Variants in DCC observed in about 807,000 individuals in gnomAD.
DCC encodes netrin receptor DCC.
A neutral mutation model predicts 172.5 loss-of-function variants in DCC; 58 were observed. That is an observed-to-expected ratio of 0.34 (90% CI 0.27 to 0.42). The LOEUF is 0.42. Among genes scored for constraint, DCC ranks in the 10% least tolerant of loss-of-function variants. The pLI, the probability that DCC is intolerant of heterozygous loss-of-function variation, is 1.00. For missense variants in DCC, 1,740 were observed against 1,791.0 expected (o/e 0.97, Z 0.51); for synonymous variants, 709 against 644.5 (o/e 1.10, Z -1.52).
At chr18:53,472,214 G>T (rs1471584662) in intron 25 of DCC, among the ~76,000 whole-genome samples, 1 of 152,060 alleles carries the variant, frequency 6.6e-6, no homozygotes, top group African/African-American at 2.4e-5. Context: ...TCATTGTTAG[G>T]TTCTCTCATT....
rs760584751 is a variant in DCC, at chr18:53,535,782, A to T, written c.*5129A>T. 1 of 152,162 alleles carries T rather than the reference A, an allele frequency of 6.6e-6. No homozygotes were observed. Among genetic ancestry groups the T allele is most frequent in the Non-Finnish European group, 1.5e-5 (1 of 68,022 alleles). 9.4% of individuals were successfully genotyped at this position (152,162 alleles called of 1,614,324 possible). On this transcript the variant is annotated 3_prime_UTR_variant, in exon 29 of 29. Coordinates refer to ENST00000442544, the MANE Select transcript of DCC (RefSeq NM_005215.4). Reference sequence around the variant, plus strand: ...GTTTCTACACATGATCTTGTATACTACTACACAAGGAAAAGGGGGTTTTGT... The same window carrying T: ...GTTTCTACACATGATCTTGTATACTTCTACACAAGGAAAAGGGGGTTTTGT...
chr18:53,426,319 A>G (rs1252517837), intron 21 of DCC, among the ~76,000 whole-genome samples: 1 of 144,014 alleles, frequency 6.9e-6, no homozygotes, highest in Non-Finnish European at 1.5e-5. Context: ...TATATTATAT[A>G]TTTATAAATT....
intron 5 of DCC, among the ~76,000 whole-genome samples, chr18:52,955,934 A>G (rs996643409): frequency 2.0e-5 from 3 of 151,718 alleles, no homozygotes; most frequent in Admixed American, 2.0e-4. Context: ...TGAGTTTTTA[A>G]AAGCTTTTTG....
chr18:53,036,645 T>C (rs1030803178), intron 5 of DCC, among the ~76,000 whole-genome samples: 9 of 152,064 alleles, frequency 5.9e-5, no homozygotes, highest in Non-Finnish European at 1.0e-4. Flanking sequence ...ATTATTTCTG[T>C]GCATTTGTTA....
At chr18:52,894,571 T>G (rs1598906404) in intron 2 of DCC, among the ~76,000 whole-genome samples, 1 of 152,000 alleles carries the variant, frequency 6.6e-6, no homozygotes, top group African/African-American at 2.4e-5. Context: ...CACAAGGAAT[T>G]GGCTCACATG....
At chr18:52,878,285 C>T (rs1379825219) in intron 2 of DCC, among the ~76,000 whole-genome samples, 2 of 152,130 alleles carry the variant, frequency 1.3e-5, no homozygotes, top group Non-Finnish European at 2.9e-5. Flanking sequence ...TTTCAAGAAA[C>T]CCTACTTTAT....
chr18:52,424,723 T>C (rs989484011), intron 1 of DCC, among the ~76,000 whole-genome samples: 3 of 152,098 alleles, frequency 2.0e-5, no homozygotes, highest in Admixed American at 1.3e-4. Context: ...CCTCTGCCAG[T>C]TCACAATGGG....
At chr18:53,099,532 A>G (rs908675388) in intron 7 of DCC, among the ~76,000 whole-genome samples, 8 of 152,160 alleles carry the variant, frequency 5.3e-5, no homozygotes, top group African/African-American at 1.9e-4. Flanking sequence ...TGCAGTTTCA[A>G]CAAGTAAAAC....
intron 21 of DCC, among the ~76,000 whole-genome samples, chr18:53,430,332 G>T (rs1911536749): frequency 6.6e-6 from 1 of 152,060 alleles, no homozygotes; most frequent in Non-Finnish European, 1.5e-5. Context: ...CGTCGTCCTG[G>T]ATGACCCTCT....
intron 7 of DCC, among the ~76,000 whole-genome samples, chr18:53,137,395 G>T (rs529163149): frequency 4.9e-4 from 75 of 152,298 alleles, no homozygotes; most frequent in African/African-American, 1.7e-3. Flanking sequence ...GAACTTTGAG[G>T]CCACTCAGCG....
At chr18:53,468,662 C>A (rs550885276) in intron 25 of DCC, among the ~76,000 whole-genome samples, 54 of 152,212 alleles carry the variant, frequency 3.5e-4, no homozygotes, top group African/African-American at 1.3e-3. Context: ...GGAATATAGG[C>A]ATAAGCTACT....
At chr18:52,570,557 T>G (rs996915298) in intron 1 of DCC, among the ~76,000 whole-genome samples, 1 of 152,196 alleles carries the variant, frequency 6.6e-6, no homozygotes, top group Non-Finnish European at 1.5e-5. Flanking sequence ...GATGCTGCAA[T>G]AACAACAATT....
intron 1 of DCC, among the ~76,000 whole-genome samples, chr18:52,381,694 C>T (rs1985591484): frequency 6.6e-6 from 1 of 152,082 alleles, no homozygotes; most frequent in African/African-American, 2.4e-5. Flanking sequence ...TTTGCAGATC[C>T]TCAACTCTAT....
intron 1 of DCC, among the ~76,000 whole-genome samples, chr18:52,708,341 C>T (rs1230411467): frequency 3.3e-5 from 5 of 151,354 alleles, no homozygotes; most frequent in Admixed American, 3.3e-4. Context: ...ACTTGGGAGG[C>T]TGAGGCAGGA....
chr18:52,757,123 C>T (rs1453835756), intron 2 of DCC: 2 of 152,112 alleles, frequency 1.3e-5, no homozygotes, highest in African/African-American at 4.8e-5. Context: ...GCCCAAATCC[C>T]TTGGAATAAA....
intron 12 of DCC, among the ~76,000 whole-genome samples, chr18:53,281,910 C>A (rs184409893): frequency 6.6e-6 from 1 of 152,068 alleles, no homozygotes; most frequent in South Asian, 2.1e-4. Context: ...TACACAGCTA[C>A]GCTGGGGTAG....
chr18:53,000,953 C>A (rs149321962), intron 5 of DCC, among the ~76,000 whole-genome samples: 11 of 151,912 alleles, frequency 7.2e-5, no homozygotes, highest in African/African-American at 2.4e-4. Context: ...TTTTTCCCAT[C>A]GACTGCATCT....
intron 27 of DCC, among the ~76,000 whole-genome samples, chr18:53,526,353 G>GCAA (rs2046455220): frequency 1.3e-5 from 2 of 152,044 alleles, no homozygotes; most frequent in South Asian, 4.1e-4. Flanking sequence ...GAGCTCCCAG[G>GCAA]CAACTTTCCA....
chr18:52,507,128 T>C (rs1381432918), intron 1 of DCC, among the ~76,000 whole-genome samples: 1 of 152,194 alleles, frequency 6.6e-6, no homozygotes, highest in African/African-American at 2.4e-5. Context: ...TAATCCTTTA[T>C]AGCCTAATAG....
Sources: allele counts gnomAD v4.1 joint callset (sites outside exome capture counted in the v4.1 genomes callset), GRCh38; gene constraint gnomAD v4.1.1; transcripts MANE v1.5; gene names NCBI Gene and HGNC (gene_info 2026-07-23, HGNC 2026-07-21).